MPPED2: variants seen among roughly 807,000 people sequenced by gnomAD.
The protein encoded by MPPED2 is metallophosphoesterase domain containing 2, also known as metallophosphoesterase MPPED2.
MPPED2 carries 5 observed loss-of-function variants against 33.0 expected under a neutral mutation model. The observed-to-expected ratio is 0.15, with a 90% CI of 0.08 to 0.32. The LOEUF (loss-of-function observed/expected upper bound fraction) is 0.32, where lower values mean the gene tolerates loss of function less well. Ranked by LOEUF, MPPED2 falls within the 10% of genes least tolerant of loss-of-function variation. The pLI is 1.00. For synonymous variants in MPPED2, 136 were observed against 141.9 expected (o/e 0.96, Z 0.29); for missense variants, 275 against 372.1 (o/e 0.74, Z 2.15).
intron 3 of MPPED2, among the ~76,000 whole-genome samples, chr11:30,503,505 A>G (rs1590613909): frequency 6.6e-6 from 1 of 151,892 alleles, no homozygotes. Context: ...CTTTCTCCAC[A>G]CCCTTTTTTT....
intron 6 of MPPED2, among the ~76,000 whole-genome samples, chr11:30,397,387 T>G (rs1428169411): frequency 6.6e-6 from 1 of 152,172 alleles, no homozygotes; most frequent in Non-Finnish European, 1.5e-5. Flanking sequence ...TTCTTACATA[T>G]TCAATAATGT....
chr11:30,578,308 G>T (rs920907427), intron 2 of MPPED2, among the ~76,000 whole-genome samples: 10 of 152,124 alleles, frequency 6.6e-5, no homozygotes, highest in Admixed American at 5.9e-4. Flanking sequence ...CAGATGGGAA[G>T]CCCTTATTGG....
chr11:30,523,780 G>A (rs1954007262), intron 3 of MPPED2, among the ~76,000 whole-genome samples: 2 of 151,800 alleles, frequency 1.3e-5, no homozygotes, highest in Non-Finnish European at 2.9e-5. Flanking sequence ...GGCATGCAGA[G>A]CTAGCATTCA....
At chr11:30,542,323 A>G (rs866577590) in intron 2 of MPPED2, among the ~76,000 whole-genome samples, 6 of 152,282 alleles carry the variant, frequency 3.9e-5, no homozygotes, top group Middle Eastern at 3.4e-3. Context: ...ACACATTAAA[A>G]TAAACACGAG....
chr11:30,456,261 G>A (rs915696033), intron 4 of MPPED2, among the ~76,000 whole-genome samples: 7 of 152,208 alleles, frequency 4.6e-5, no homozygotes, highest in African/African-American at 1.7e-4. Context: ...GGAGCTGTCT[G>A]ACATGTGAAC....
At chr11:30,420,055 T>C (rs192739259) in intron 4 of MPPED2, among the ~76,000 whole-genome samples, 3 of 152,322 alleles carry the variant, frequency 2.0e-5, no homozygotes, top group Admixed American at 2.0e-4. Context: ...CACTCCAAGA[T>C]GTCTACATCC....
At chr11:30,545,537 G>A (rs1042743894) in intron 2 of MPPED2, among the ~76,000 whole-genome samples, 7 of 152,134 alleles carry the variant, frequency 4.6e-5, no homozygotes, top group Non-Finnish European at 8.8e-5. Flanking sequence ...GCTGAATAGA[G>A]TAATAGTGAT....
intron 4 of MPPED2, among the ~76,000 whole-genome samples, chr11:30,482,539 A>G (rs1315300475): frequency 1.3e-5 from 2 of 152,132 alleles, no homozygotes; most frequent in Non-Finnish European, 2.9e-5. Flanking sequence ...TCTATTTTTG[A>G]TGATTTTCTA....
chr11:30,568,519 G>A (rs2134786808), intron 2 of MPPED2, among the ~76,000 whole-genome samples: 1 of 152,248 alleles, frequency 6.6e-6, no homozygotes, highest in Non-Finnish European at 1.5e-5. Context: ...CAGAGTGTGA[G>A]ACCAGAACTA....
intron 3 of MPPED2, among the ~76,000 whole-genome samples, chr11:30,517,311 A>C (rs1437711399): frequency 1.3e-5 from 2 of 152,280 alleles, no homozygotes; most frequent in East Asian, 1.9e-4. Flanking sequence ...AGCTATTGTT[A>C]GTCGGTGTAT....
At chr11:30,502,997 G>C (rs1037974157) in intron 3 of MPPED2, among the ~76,000 whole-genome samples, 4 of 152,132 alleles carry the variant, frequency 2.6e-5, no homozygotes, top group Admixed American at 2.6e-4. Flanking sequence ...ACTTTTCCCA[G>C]GAATCTGCCT....
intron 2 of MPPED2, among the ~76,000 whole-genome samples, chr11:30,541,863 A>G (rs1955140097): frequency 6.6e-6 from 1 of 152,338 alleles, no homozygotes; most frequent in South Asian, 2.1e-4. Context: ...AAGTGTTAGG[A>G]GTACAGGAGT....
chr11:30,394,800 T>C (rs1007722606), intron 6 of MPPED2, among the ~76,000 whole-genome samples: 5 of 152,212 alleles, frequency 3.3e-5, no homozygotes. Flanking sequence ...ATTGTATTAT[T>C]GGTGTCATAT....
At position 30,410,937 on chromosome 11, in the gene MPPED2, G is replaced by C; in HGVS notation, c.*531C>G. 1.0e-6 allele frequency: 1 copy of C among 985,730 alleles called. No individual in the cohort carries two copies. The allele number at this position is 985,730 out of a possible 1,614,324, so 61.1% of individuals were successfully genotyped here. A position where few individuals can be genotyped will look rare whatever the true frequency, so the allele number is the denominator to read the frequency against. On this transcript the variant is annotated 3_prime_UTR_variant, in exon 7 of 7. Transcript: ENST00000358117. ...CAATGCAGCTTTCTTTATAGTGAGAGTATGAAAAGAAGTCTTTTCCATGCC... is the reference window on the plus strand; with the variant it reads ...CAATGCAGCTTTCTTTATAGTGAGACTATGAAAAGAAGTCTTTTCCATGCC...
intron 2 of MPPED2, among the ~76,000 whole-genome samples, chr11:30,566,918 C>T (rs57362857): frequency 0.088 from 13,434 of 152,114 alleles, 2,030 homozygotes; most frequent in African/African-American, 0.31. Flanking sequence ...AGGACAGGGG[C>T]TCCCTAAAAA....
At chr11:30,545,651 CT>C (rs1955377849) in intron 2 of MPPED2, among the ~76,000 whole-genome samples, 1 of 152,104 alleles carries the variant, frequency 6.6e-6, no homozygotes, top group African/African-American at 2.4e-5. Flanking sequence ...GCGATAGGCT[CT>C]TTTTCCCATT....
chr11:30,470,374 T>C (rs1950896700), intron 4 of MPPED2, among the ~76,000 whole-genome samples: 1 of 152,066 alleles, frequency 6.6e-6, no homozygotes, highest in Non-Finnish European at 1.5e-5. Context: ...TCCAGAATAC[T>C]CAAACATATA....
rs1949827630 is a variant in MPPED2 at position 30,446,753 on chromosome 11, ACT to A, written c.537-29122_537-29121del. Among the ~76,000 whole-genome samples the A allele has an allele frequency of 2.6e-5, 4 of 151,976 alleles. No individual in the cohort carries two copies. The South Asian group carries it at 6.2e-4, about 24-fold the overall frequency. On this transcript the variant is annotated intron_variant, in intron 4 of 6. Coordinates refer to ENST00000358117, the MANE Select transcript of MPPED2 (RefSeq NM_001584.3). ...CCAACGAGCACCCCTCGGAATCCAC[ACT>A]CTCTTAATGGAAAGCAAGCAGCCTA...
intron 2 of MPPED2, among the ~76,000 whole-genome samples, chr11:30,575,699 C>T (rs1956899701): frequency 6.6e-6 from 1 of 152,216 alleles, no homozygotes; most frequent in Non-Finnish European, 1.5e-5. Context: ...CTAGGTCCAG[C>T]TCATGTGGAG....
Sources: allele counts gnomAD v4.1 joint callset (sites outside exome capture counted in the v4.1 genomes callset), GRCh38; gene constraint gnomAD v4.1.1; transcripts MANE v1.5; gene names NCBI Gene and HGNC (gene_info 2026-07-23, HGNC 2026-07-21).